MID1: variants seen among roughly 807,000 people sequenced by gnomAD.
MID1 encodes E3 ubiquitin-protein ligase Midline-1.
In MID1, 7 loss-of-function variants were observed where a neutral mutation model predicts 40.4. That is an observed-to-expected ratio of 0.17 (90% confidence interval 0.10 to 0.33). MID1 has a LOEUF of 0.33. MID1 is among the 10% of genes least tolerant of loss of function. The probability of loss-of-function intolerance (pLI) is 1.00; values close to 1 mark genes in which losing one functional copy is unlikely to be tolerated. For synonymous variants in MID1, 229 were observed against 221.2 expected (o/e 1.04, Z -0.31); for missense variants, 367 against 558.5 (o/e 0.66, Z 3.46).
chrX:10,516,863 G>T (rs1188018161), intron 3 of MID1, among the ~76,000 whole-genome samples: 4 of 109,785 alleles, frequency 3.6e-5, no homozygotes, highest in Non-Finnish European at 7.6e-5. Context: ...TAATCCTCCT[G>T]CCTTGGCCGC....
At chrX:10,788,382 C>A (rs2043902905) in intron 1 of MID1, among the ~76,000 whole-genome samples, 1 of 111,499 alleles carries the variant, frequency 9.0e-6, no homozygotes. Flanking sequence ...CCTTTAAGAT[C>A]TATTCATTGT....
intron 7 of MID1, 157 bp downstream of exon 7, chrX:10,469,540 C>T (rs755971177): frequency 8.4e-7 from 1 of 1,194,550 alleles, no homozygotes; most frequent in East Asian, 3.0e-5. Flanking sequence ...TAATGTAGTA[C>T]AAGTGAGTGC....
Position 10,618,718 on chromosome X carries a change from A to G in MID1, c.-57+1572T>C, listed in dbSNP as rs1222200381. Among the ~76,000 whole-genome samples the G allele has an allele frequency of 2.7e-5, 3 of 111,440 alleles. No individual in the cohort carries two copies. In the Admixed American group the frequency reaches 2.9e-4, roughly 11 times the overall value. On this transcript the variant is annotated intron_variant, in intron 1 of 9. Transcript: ENST00000317552. Reference sequence around the variant, plus strand: ...AACCATTCCAAGCTGGGGGAAGCAAACCTTAGGCATAAGGCACGGAGACTG... The same window carrying G: ...AACCATTCCAAGCTGGGGGAAGCAAGCCTTAGGCATAAGGCACGGAGACTG...
At chrX:10,515,847 G>A (rs897214053) in intron 3 of MID1, among the ~76,000 whole-genome samples, 6 of 112,346 alleles carry the variant, frequency 5.3e-5, no homozygotes, top group African/African-American at 1.6e-4. Context: ...ATTGGAATGT[G>A]CAGAAAATTT....
At chrX:10,662,376 T>C (rs1256640804) in intron 1 of MID1, among the ~76,000 whole-genome samples, 1 of 110,281 alleles carries the variant, frequency 9.1e-6, no homozygotes, top group Non-Finnish European at 1.9e-5. Flanking sequence ...CTCTTTTAAC[T>C]CCATAGTTAA....
intron 1 of MID1, among the ~76,000 whole-genome samples, chrX:10,759,806 A>AT (rs1190331073): frequency 8.9e-6 from 1 of 112,056 alleles, no homozygotes; most frequent in Non-Finnish European, 1.9e-5. Flanking sequence ...AGCATAAGAA[A>AT]TGCCTGTGTG....
chrX:10,679,199 T>TATAGAC (rs1198379118), intron 1 of MID1, among the ~76,000 whole-genome samples: 2 of 112,119 alleles, frequency 1.8e-5, no homozygotes. Flanking sequence ...TATGTACTAA[T>TATAGAC]ATAGACAGAT....
At chrX:10,556,787 CAG>C (rs1237620271) in intron 2 of MID1, among the ~76,000 whole-genome samples, 1 of 112,085 alleles carries the variant, frequency 8.9e-6, no homozygotes, top group Non-Finnish European at 1.9e-5. Context: ...CCCAAAAGTC[CAG>C]AATATAAAGT....
chrX:10,718,124 A>G (rs968070446), intron 1 of MID1, among the ~76,000 whole-genome samples: 4 of 111,895 alleles, frequency 3.6e-5, no homozygotes, highest in African/African-American at 1.3e-4. Context: ...CCCTAACATC[A>G]CAATTAAATG....
At chrX:10,598,894 TAA>T (rs2147518034) in intron 1 of MID1, among the ~76,000 whole-genome samples, 1 of 111,880 alleles carries the variant, frequency 8.9e-6, no homozygotes, top group East Asian at 2.8e-4. Context: ...CACGAGCTAA[TAA>T]ATGGGGTGTT....
At chrX:10,499,816 A>G (rs1036713585) in intron 3 of MID1, among the ~76,000 whole-genome samples, 1 of 112,517 alleles carries the variant, frequency 8.9e-6, no homozygotes, top group African/African-American at 3.2e-5. Context: ...GACTAAGTCC[A>G]GTGAGAACCC....
intron 1 of MID1, among the ~76,000 whole-genome samples, chrX:10,809,447 T>C (rs1202087978): frequency 1.8e-5 from 2 of 111,814 alleles, no homozygotes; most frequent in African/African-American, 6.5e-5. Context: ...CAAAGGATTA[T>C]AAATCATGCT....
chrX:10,584,778 C>T lies in MID1; in HGVS notation c.-56-17175G>A, dbSNP rs757736840. ...AAGAAAGGGTTAGAAGGAAAATAAT[C>T]GCAGAGAAAATTGGGTAGCAGGACG... On this transcript the variant is annotated intron_variant, in intron 1 of 9. Transcript: ENST00000317552. Among the ~76,000 whole-genome samples, 4 of 111,851 alleles carry T rather than the reference C, an allele frequency of 3.6e-5. No homozygotes were observed. In the East Asian group the frequency reaches 8.4e-4, roughly 24 times the overall value.
intron 1 of MID1, among the ~76,000 whole-genome samples, chrX:10,661,787 G>A (rs927652971): frequency 5.4e-5 from 6 of 111,799 alleles, no homozygotes; most frequent in South Asian, 3.7e-4. Flanking sequence ...GGCATCTGGA[G>A]TCAAAGGAAT....
chrX:10,607,127 G>A (rs984798842), intron 1 of MID1, among the ~76,000 whole-genome samples: 12 of 112,181 alleles, frequency 1.1e-4, no homozygotes, highest in African/African-American at 3.9e-4. Flanking sequence ...GCCATAACTT[G>A]CAGAAACAGA....
chrX:10,710,395 T>C (rs187992419), intron 1 of MID1, among the ~76,000 whole-genome samples: 16 of 111,764 alleles, frequency 1.4e-4, no homozygotes, highest in African/African-American at 5.2e-4. Context: ...ATTTTCTTTA[T>C]AGACAAATTG....
chrX:10,788,394 C>G (rs1051853595), intron 1 of MID1, among the ~76,000 whole-genome samples: 1 of 111,506 alleles, frequency 9.0e-6, no homozygotes, highest in Non-Finnish European at 1.9e-5. Flanking sequence ...ATTCATTGTT[C>G]ATTCACTTTT....
chrX:10,794,291 T>C (rs2043954143), intron 1 of MID1, among the ~76,000 whole-genome samples: 1 of 112,321 alleles, frequency 8.9e-6, no homozygotes, highest in African/African-American at 3.2e-5. Flanking sequence ...AGGTTCCATG[T>C]CTGAGACAAG....
intron 1 of MID1, among the ~76,000 whole-genome samples, chrX:10,692,485 C>T (rs933821400): frequency 7.2e-5 from 8 of 110,813 alleles, no homozygotes; most frequent in East Asian, 2.8e-4. Flanking sequence ...GGTGTGGTGG[C>T]GGGTGCCTAT....
Sources: allele counts gnomAD v4.1 joint callset (sites outside exome capture counted in the v4.1 genomes callset), GRCh38; gene constraint gnomAD v4.1.1; transcripts MANE v1.5; gene names NCBI Gene and HGNC (gene_info 2026-07-23, HGNC 2026-07-21).